UNC5D: variants seen among roughly 807,000 people sequenced by gnomAD.
UNC5D encodes unc-5 netrin receptor D.
A neutral mutation model predicts 105.4 loss-of-function variants in UNC5D; 39 were observed. The ratio of observed to expected loss-of-function variants is 0.37; its 90% confidence interval spans 0.29 to 0.48. UNC5D has a LOEUF of 0.48. Ranked by LOEUF, UNC5D falls within the 20% of genes least tolerant of loss-of-function variation. UNC5D has a pLI of 0.98. For synonymous variants in UNC5D, 452 were observed against 450.4 expected (o/e 1.00, Z -0.04); for missense variants, 991 against 1,202.4 (o/e 0.82, Z 2.60).
At chr8:35,328,755 A>G (rs1466018346) in intron 1 of UNC5D, among the ~76,000 whole-genome samples, 1 of 152,202 alleles carries the variant, frequency 6.6e-6, no homozygotes, top group Non-Finnish European at 1.5e-5. Context: ...CAAGGCAGTC[A>G]GTCCGCGTCA....
chr8:35,504,216 G>A (rs1425406511), intron 1 of UNC5D, among the ~76,000 whole-genome samples: 2 of 152,174 alleles, frequency 1.3e-5, no homozygotes, highest in Non-Finnish European at 2.9e-5. Context: ...CTGGATACCT[G>A]GGTAAATCCT....
chr8:35,552,855 A>G (rs534351006), intron 2 of UNC5D, among the ~76,000 whole-genome samples: 1 of 152,282 alleles, frequency 6.6e-6, no homozygotes, highest in East Asian at 1.9e-4. Context: ...AGACAGTGGA[A>G]TTTGGGAGAG....
At chr8:35,700,385 T>G (rs1288014828) in intron 7 of UNC5D, among the ~76,000 whole-genome samples, 2 of 152,150 alleles carry the variant, frequency 1.3e-5, no homozygotes, top group East Asian at 3.8e-4. Flanking sequence ...ATTTACATGT[T>G]AGGGACCCAT....
intron 4 of UNC5D, among the ~76,000 whole-genome samples, chr8:35,658,240 C>A (rs1215421041): frequency 6.6e-6 from 1 of 152,096 alleles, no homozygotes; most frequent in Non-Finnish European, 1.5e-5. Context: ...TGTTTACAAT[C>A]TTTTAAAATC....
chr8:35,761,361 T>A (rs545098031), intron 14 of UNC5D, among the ~76,000 whole-genome samples: 40 of 152,290 alleles, frequency 2.6e-4, no homozygotes, highest in African/African-American at 8.9e-4. Flanking sequence ...AACCATTACC[T>A]TGCAGCATGA....
At chr8:35,615,773 A>G (rs1820991729) in intron 4 of UNC5D, among the ~76,000 whole-genome samples, 1 of 152,002 alleles carries the variant, frequency 6.6e-6, no homozygotes, top group Non-Finnish European at 1.5e-5. Flanking sequence ...CTCTCCCATC[A>G]CCCTCAGTAG....
chr8:35,255,522 T>C (rs1279479362), intron 1 of UNC5D: 1 of 152,170 alleles, frequency 6.6e-6, no homozygotes, highest in Non-Finnish European at 1.5e-5. Context: ...TGTTTAAAAA[T>C]TGTATTTATT....
intron 2 of UNC5D, among the ~76,000 whole-genome samples, chr8:35,564,054 A>G (rs1213857537): frequency 1.3e-5 from 2 of 152,180 alleles, no homozygotes; most frequent in Middle Eastern, 3.4e-3. Flanking sequence ...CTATATTGAC[A>G]TGTAGTTTTG....
intron 4 of UNC5D, among the ~76,000 whole-genome samples, chr8:35,601,236 T>G (rs1474305178): frequency 6.6e-6 from 1 of 152,210 alleles, no homozygotes; most frequent in Non-Finnish European, 1.5e-5. Flanking sequence ...GGTAGCATGA[T>G]GCCTCCAACT....
At chr8:35,356,955 C>A (rs1259158348) in intron 1 of UNC5D, among the ~76,000 whole-genome samples, 1 of 152,042 alleles carries the variant, frequency 6.6e-6, no homozygotes, top group Non-Finnish European at 1.5e-5. Flanking sequence ...TACCACACTT[C>A]TTTAAAATAT....
At chr8:35,391,013 G>A (rs1200387907) in intron 1 of UNC5D, among the ~76,000 whole-genome samples, 1 of 152,190 alleles carries the variant, frequency 6.6e-6, no homozygotes, top group African/African-American at 2.4e-5. Context: ...GGCTTGTATT[G>A]GGTTGAGCTT....
intron 4 of UNC5D, among the ~76,000 whole-genome samples, chr8:35,606,762 A>T (rs1820321212): frequency 6.6e-6 from 1 of 152,248 alleles, no homozygotes; most frequent in Admixed American, 6.5e-5. Flanking sequence ...AAGCAAAAAT[A>T]CATTTTGTTT....
At chr8:35,276,753 T>C (rs1442271265) in intron 1 of UNC5D, among the ~76,000 whole-genome samples, 2 of 152,118 alleles carry the variant, frequency 1.3e-5, no homozygotes, top group African/African-American at 4.8e-5. Flanking sequence ...AGTGGTTAGG[T>C]GAAATATTAA....
At chr8:35,790,249 C>A in intron 16 of UNC5D, 110 bp from the exon 17 acceptor site, 2 of 1,195,268 alleles carry the variant, frequency 1.7e-6, no homozygotes, top group Admixed American at 2.0e-5. Context: ...TTTATCCCTA[C>A]TATAATAACA....
At position 35,533,732 on chromosome 8, in the gene UNC5D, T is replaced by C. The variant is rs1048512684; in HGVS notation, c.104-15560T>C. Among the ~76,000 whole-genome samples the C allele has an allele frequency of 1.2e-4, 18 of 152,334 alleles. No individual in the cohort carries two copies. In the South Asian group the frequency reaches 3.3e-3, roughly 28 times the overall value. On this transcript the variant is annotated intron_variant, in intron 1 of 16. Transcript: ENST00000404895. ...GGCGTAGGACCCTCCGAGCCAGGTG[T>C]GGGATATAATCTCGTGGTTCGCCGT... is the stretch of plus-strand genomic sequence containing the variant.
At chr8:35,428,915 A>G (rs1806435457) in intron 1 of UNC5D, among the ~76,000 whole-genome samples, 1 of 152,078 alleles carries the variant, frequency 6.6e-6, no homozygotes, top group Non-Finnish European at 1.5e-5. Flanking sequence ...TCATTGAAAA[A>G]TAAGTAGACA....
In UNC5D at chr8:35,764,800, C is replaced by T. The variant is rs1801692635; in HGVS notation, c.2314-2102C>T. 2.0e-5 allele frequency among the ~76,000 whole-genome samples: 3 copies of T among 152,310 alleles called. 1 individual carries two copies. The South Asian group carries it at 6.2e-4, about 32-fold the overall frequency. On this transcript the variant is annotated intron_variant, in intron 14 of 16. Coordinates refer to ENST00000404895, the MANE Select transcript of UNC5D (RefSeq NM_080872.4). The stretch of plus-strand genomic sequence containing the variant: ...AGCTTGGTGCCTCTTCCAGCATTTT[C>T]CCCAGACAATAGCCTCCCTCTGGAA...
At chr8:35,656,777 G>C (rs2131208262) in intron 4 of UNC5D, among the ~76,000 whole-genome samples, 1 of 152,052 alleles carries the variant, frequency 6.6e-6, no homozygotes, top group African/African-American at 2.4e-5. Context: ...CACACACAGG[G>C]AGCTTTAGCA....
chr8:35,236,971 G>A (rs921767742), intron 1 of UNC5D, among the ~76,000 whole-genome samples: 2 of 152,084 alleles, frequency 1.3e-5, no homozygotes, highest in Admixed American at 1.3e-4. Flanking sequence ...TCGGTCTCCT[G>A]AACATGCTCC....
Sources: gnomAD v4.1 joint callset for allele counts (sites outside exome capture counted in the v4.1 genomes callset) on GRCh38, gnomAD v4.1.1 for gene constraint, MANE v1.5 for transcripts, NCBI Gene and HGNC (gene_info 2026-07-23, HGNC 2026-07-21) for gene names.